Variants in SLC24A4 observed in about 807,000 individuals in gnomAD.
SLC24A4 encodes solute carrier family 24 member 4, also known as sodium/potassium/calcium exchanger 4.
SLC24A4 carries 53 observed loss-of-function variants against 79.0 expected under a neutral mutation model. The ratio of observed to expected loss-of-function variants is 0.67; its 90% CI spans 0.54 to 0.84. The LOEUF (loss-of-function observed/expected upper bound fraction) is 0.84, where lower values mean the gene tolerates loss of function less well. SLC24A4 is among the 40% of genes least tolerant of loss of function. SLC24A4 has a pLI of 0.00. For synonymous variants in SLC24A4, 323 were observed against 323.8 expected, an observed-to-expected ratio of 1.00 and a Z score of 0.03; for missense variants, 731 against 822.0, an observed-to-expected ratio of 0.89 and a Z score of 1.35.
chr14:92,400,374 G>A (rs1890043252), intron 2 of SLC24A4, among the ~76,000 whole-genome samples: 1 of 150,076 alleles, frequency 6.7e-6, no homozygotes, highest in African/African-American at 2.5e-5. Flanking sequence ...GGGAGGCAGA[G>A]GTTGCAGTGA....
chr14:92,376,260 G>A (rs533373383), intron 2 of SLC24A4, among the ~76,000 whole-genome samples: 8 of 152,302 alleles, frequency 5.3e-5, no homozygotes, highest in African/African-American at 1.9e-4. Context: ...CTACCTCACA[G>A]GGTTGGTGAG....
At position 92,445,303 on chromosome 14, in the gene SLC24A4, C is replaced by T; in HGVS notation, c.658-14C>T. Reference sequence around the variant, plus strand: ...TGTCCCACCCACCTCAACTCTGTTTCTTTTGCCTTACAGTTCATATATGAT... The same window carrying T: ...TGTCCCACCCACCTCAACTCTGTTTTTTTTGCCTTACAGTTCATATATGAT... On this transcript the variant is annotated splice_polypyrimidine_tract_variant and intron_variant, in intron 7 of 16. Coordinates refer to ENST00000532405, the MANE Select transcript of SLC24A4 (RefSeq NM_153646.4). The T allele has an allele frequency of 6.2e-7, 1 of 1,614,142 alleles. No individual in the cohort carries two copies. The highest frequency in any genetic ancestry group is 8.5e-7 in the Non-Finnish European group (1 of 1,179,978).
At chr14:92,374,983 A>G (rs1437811846) in intron 2 of SLC24A4, among the ~76,000 whole-genome samples, 4 of 152,222 alleles carry the variant, frequency 2.6e-5, no homozygotes, top group Non-Finnish European at 5.9e-5. Flanking sequence ...GCAAAATTAT[A>G]ACAATAACCT....
chr14:92,340,804 G>A (rs1886099226), intron 2 of SLC24A4, among the ~76,000 whole-genome samples: 1 of 152,112 alleles, frequency 6.6e-6, no homozygotes, highest in Non-Finnish European at 1.5e-5. Flanking sequence ...AGGACACCCA[G>A]TTTATTACAT....
intron 6 of SLC24A4, 52 bp from the exon 7 acceptor site, chr14:92,443,348 C>A: frequency 6.3e-7 from 1 of 1,583,812 alleles, no homozygotes; most frequent in African/African-American, 1.3e-5. Context: ...GCAGCTGCAC[C>A]CCCTCCCCGC....
chr14:92,328,252 G>A (rs1010293278), intron 2 of SLC24A4, among the ~76,000 whole-genome samples: 1 of 152,190 alleles, frequency 6.6e-6, no homozygotes, highest in African/African-American at 2.4e-5. Flanking sequence ...GCAAGCACCT[G>A]CTCGTGTGTG....
At chr14:92,413,633 A>T (rs1490216649) in intron 2 of SLC24A4, among the ~76,000 whole-genome samples, 1 of 152,182 alleles carries the variant, frequency 6.6e-6, no homozygotes, top group African/African-American at 2.4e-5. Flanking sequence ...CCCTCAGCAC[A>T]AATCCTCCCA....
At chr14:92,459,153 C>G (rs1821463615) in intron 12 of SLC24A4, among the ~76,000 whole-genome samples, 1 of 152,186 alleles carries the variant, frequency 6.6e-6, no homozygotes, top group South Asian at 2.1e-4. Context: ...CCGTTTTGGT[C>G]ATCCTTACCT....
chr14:92,453,667 G>A (rs1893281003), intron 10 of SLC24A4: 1 of 480,164 alleles, frequency 2.1e-6, no homozygotes, highest in African/African-American at 2.0e-5. Flanking sequence ...GAGTGGTCCT[G>A]GAGCAAGGGG....
At position 92,492,210 on chromosome 14, in the gene SLC24A4, G is replaced by A. The variant is rs1461693827; in HGVS notation, c.1686G>A (p.Val562=). The A allele has an allele frequency of 3.1e-6, 5 of 1,614,116 alleles. No individual in the cohort carries two copies. The highest frequency in any genetic ancestry group is 4.2e-6 in the Non-Finnish European group (5 of 1,180,006). ...ACAGCCGGGGGCTGGTCTATTCCGT[G>A]GTCCTGTTGCTGGGCTCTGTCGCTC... ...KINSRGLVYS[V]VLLLGSVALT... is the part of the protein sequence containing the mutation. The change falls in exon 16 of 17, where the codon GTG becomes GTA. Residue 562 remains valine (V), a synonymous_variant. Coordinates refer to ENST00000532405, the MANE Select transcript of SLC24A4 (RefSeq NM_153646.4).
chr14:92,483,880 A>C (rs1895211629), intron 13 of SLC24A4: 1 of 1,288,738 alleles, frequency 7.8e-7, no homozygotes, highest in African/African-American at 1.5e-5. Context: ...AGCGATCTTG[A>C]CATGAGAGAC....
intron 12 of SLC24A4, among the ~76,000 whole-genome samples, chr14:92,465,080 C>T (rs962536873): frequency 1.2e-4 from 19 of 152,240 alleles, no homozygotes; most frequent in Non-Finnish European, 2.1e-4. Context: ...ATGAGAACAA[C>T]GTGTTCCCTG....
chr14:92,343,995 G>A (rs1399798178), intron 2 of SLC24A4, among the ~76,000 whole-genome samples: 2 of 152,082 alleles, frequency 1.3e-5, no homozygotes, highest in African/African-American at 2.4e-5. Flanking sequence ...GAGCCACCAC[G>A]CCCAACCAAG....
intron 7 of SLC24A4, among the ~76,000 whole-genome samples, chr14:92,444,351 TACAAATGCAA>T (rs571776943): frequency 3.7e-4 from 56 of 152,310 alleles, no homozygotes; most frequent in African/African-American, 1.3e-3. Flanking sequence ...GACCGTCTAG[TACAAATGCAA>T]ACTGATGCCC....
At chr14:92,327,130 A>G (rs1432063439) in intron 2 of SLC24A4, among the ~76,000 whole-genome samples, 2 of 152,194 alleles carry the variant, frequency 1.3e-5, no homozygotes, top group African/African-American at 2.4e-5. Flanking sequence ...GGCCTGTGAA[A>G]CTAAAACCTT....
chr14:92,327,459 A>G (rs541924005), intron 2 of SLC24A4, among the ~76,000 whole-genome samples: 9 of 152,368 alleles, frequency 5.9e-5, no homozygotes, highest in Non-Finnish European at 8.8e-5. Flanking sequence ...ACGGAAAAAC[A>G]TGCGTGAGGC....
chr14:92,474,928 C>T (rs1894684149), intron 12 of SLC24A4, among the ~76,000 whole-genome samples: 1 of 147,224 alleles, frequency 6.8e-6, no homozygotes, highest in South Asian at 2.2e-4. Flanking sequence ...GAACTCCTGA[C>T]CTCAAGTGAT....
Position 92,456,388 on chromosome 14 carries a change from C to T in SLC24A4, c.1051-16C>T, listed in dbSNP as rs758741677. On this transcript the variant is annotated splice_polypyrimidine_tract_variant and intron_variant, in intron 11 of 16. Coordinates refer to ENST00000532405, the MANE Select transcript of SLC24A4 (RefSeq NM_153646.4). ...ATCACATGCCTTGGTGTCCATGTTG[C>T]CTCCTGTCCACACAGCGGCAGAGAC... The T allele has an allele frequency of 4.3e-6, 7 of 1,613,940 alleles. No homozygotes were observed. Among genetic ancestry groups the T allele is most frequent in the Non-Finnish European group, 5.9e-6 (7 of 1,179,850 alleles).
At chr14:92,363,152 C>T (rs1222599855) in intron 2 of SLC24A4, among the ~76,000 whole-genome samples, 1 of 152,232 alleles carries the variant, frequency 6.6e-6, no homozygotes, top group Non-Finnish European at 1.5e-5. Flanking sequence ...ACATGGAGAG[C>T]ATGACTCAGA....
Sources: allele counts gnomAD v4.1 joint callset (sites outside exome capture counted in the v4.1 genomes callset), GRCh38; gene constraint gnomAD v4.1.1; transcripts MANE v1.5; gene names NCBI Gene and HGNC (gene_info 2026-07-23, HGNC 2026-07-21).